The following SWT1 variants were observed in gnomAD, a reference collection of about 807,000 sequenced individuals.
SWT1 encodes the protein transcriptional protein SWT1.
SWT1 carries 33 observed loss-of-function variants against 107.3 expected under a neutral mutation model. That is an observed-to-expected ratio of 0.31 (90% CI 0.23 to 0.41). The LOEUF (loss-of-function observed/expected upper bound fraction) is 0.41, where lower values mean the gene tolerates loss of function less well. SWT1 is among the 10% of genes least tolerant of loss of function. The pLI is 1.00. For missense variants in SWT1, 898 were observed against 1,028.9 expected (o/e 0.87, Z 1.74); for synonymous variants, 345 against 348.3 (o/e 0.99, Z 0.11).
At chr1:185,162,171 T>C (rs1482471216) in intron 2 of SWT1, among the ~76,000 whole-genome samples, 1 of 152,242 alleles carries the variant, frequency 6.6e-6, no homozygotes, top group Non-Finnish European at 1.5e-5. Flanking sequence ...ACTGGCATGC[T>C]GTTTGCAATT....
intron 15 of SWT1, 104 bp downstream of exon 15, chr1:185,222,140 GATATATGTGAT>G: frequency 1.6e-6 from 1 of 640,140 alleles, no homozygotes. Flanking sequence ...CGTTTCAATA[GATATATGTGAT>G]ATATAATCAA....
At chr1:185,276,718 T>C in intron 18 of SWT1, 50 bp downstream of exon 18, 2 of 1,020,426 alleles carry the variant, frequency 2.0e-6, no homozygotes, top group Non-Finnish European at 2.9e-6. Flanking sequence ...AGCTTTTCCA[T>C]ATACAGCAGC....
At chr1:185,278,084 A>G (rs560662911) in intron 18 of SWT1, among the ~76,000 whole-genome samples, 1 of 152,054 alleles carries the variant, frequency 6.6e-6, no homozygotes, top group East Asian at 1.9e-4. Context: ...TTGGCTTCCC[A>G]AAGTACAGGG....
intron 16 of SWT1, among the ~76,000 whole-genome samples, chr1:185,240,528 T>G (rs1661192158): frequency 6.6e-6 from 1 of 152,050 alleles, no homozygotes; most frequent in South Asian, 2.1e-4. Flanking sequence ...TGTCATTTTG[T>G]TTGGTCATAT....
chr1:185,228,540 A>C (rs1660265036), intron 15 of SWT1, among the ~76,000 whole-genome samples: 2 of 152,136 alleles, frequency 1.3e-5, no homozygotes, highest in South Asian at 4.1e-4. Context: ...ATACATTTTC[A>C]AGTGAAGGAC....
At chr1:185,256,798 A>G (rs1209095030) in intron 16 of SWT1, among the ~76,000 whole-genome samples, 2 of 152,176 alleles carry the variant, frequency 1.3e-5, no homozygotes, top group Non-Finnish European at 2.9e-5. Context: ...GTCATTCTCC[A>G]TCCAGCTTTG....
intron 14 of SWT1, among the ~76,000 whole-genome samples, chr1:185,215,775 A>T (rs897127246): frequency 6.6e-6 from 1 of 152,074 alleles, no homozygotes; most frequent in East Asian, 1.9e-4. Flanking sequence ...CCTGGACTCA[A>T]GCAATCCTCC....
chr1:185,271,504 T>G (rs1663864724), intron 17 of SWT1, 115 bp downstream of exon 17: 2 of 602,266 alleles, frequency 3.3e-6, no homozygotes, highest in Admixed American at 6.5e-5. Context: ...TGATATTTGC[T>G]TTAAATTATT....
chr1:185,244,938 G>A (rs1388245528), intron 16 of SWT1, among the ~76,000 whole-genome samples: 1 of 152,026 alleles, frequency 6.6e-6, no homozygotes, highest in East Asian at 1.9e-4. Flanking sequence ...AATTAGCTGG[G>A]CATGGTGTTG....
chr1:185,268,884 G>A (rs1013575911), intron 16 of SWT1, among the ~76,000 whole-genome samples: 3 of 138,298 alleles, frequency 2.2e-5, no homozygotes, highest in Non-Finnish European at 3.1e-5. Context: ...ACGGAGTGTC[G>A]CTCTTTTGCC....
At chr1:185,189,140 C>T (rs945893556) in intron 9 of SWT1, among the ~76,000 whole-genome samples, 1 of 151,904 alleles carries the variant, frequency 6.6e-6, no homozygotes. Flanking sequence ...GAGTGTGCCA[C>T]CGAGCCTGGA....
chr1:185,222,023 A>G lies in SWT1; in HGVS notation c.2296A>G (p.Ile766Val), dbSNP rs770842586. 5.1e-6 allele frequency: 8 copies of G among 1,561,960 alleles called. No individual in the cohort carries two copies. The highest frequency in any genetic ancestry group is 1.2e-5 in the South Asian group (1 of 81,012). Reference protein sequence around the residue: ...WSILESVWITIYQNSTDVFQR... With the variant: ...WSILESVWITVYQNSTDVFQR... Reference sequence around the variant, plus strand: ...TATCCTAGAGAGTGTTTGGATTACAATATATCAGAACAGGTACTAAATTTG... The same window carrying G: ...TATCCTAGAGAGTGTTTGGATTACAGTATATCAGAACAGGTACTAAATTTG... The change falls in exon 15 of 19, where the codon ATA becomes GTA. Residue 766 changes from isoleucine (I) to valine (V), a missense_variant. By Grantham distance (29) the Ile-to-Val change is conservative (BLOSUM62 3). This residue lies in a region of SWT1 where 382 missense variants were observed against 460.0 expected (regional missense o/e 0.83). Coordinates refer to ENST00000367500, the MANE Select transcript of SWT1 (RefSeq NM_017673.7).
chr1:185,245,968 A>G (rs1210204172), intron 16 of SWT1, among the ~76,000 whole-genome samples: 1 of 151,900 alleles, frequency 6.6e-6, no homozygotes, highest in African/African-American at 2.4e-5. Flanking sequence ...GGGTTTTACC[A>G]TGTTAGCCAG....
chr1:185,290,643 T>C lies in SWT1; in HGVS notation c.2574-31T>C, dbSNP rs201552410. 460 of 1,518,846 alleles carry C rather than the reference T, an allele frequency of 3.0e-4. 1 individual carries two copies. The African/African-American group carries it at 5.6e-3, about 19-fold the overall frequency. The allele number at this position is 1,518,846 out of a possible 1,614,324, so 94.1% of individuals were successfully genotyped here. ...TTTTTATTTCTCTGACTAGCTGTCT[T>C]GCAATGATTTAATATTTCTTTTTCT... On this transcript the variant is annotated intron_variant, in intron 18 of 18. Transcript: ENST00000367500.
intron 3 of SWT1, 33 bp downstream of exon 3, chr1:185,166,685 T>G: frequency 7.5e-7 from 1 of 1,341,084 alleles, no homozygotes; most frequent in Non-Finnish European, 1.0e-6. Context: ...CTAAAAGTTA[T>G]TTATGCTAAA....
intron 16 of SWT1, among the ~76,000 whole-genome samples, chr1:185,252,544 AT>A (rs1276729481): frequency 6.6e-6 from 1 of 152,096 alleles, no homozygotes; most frequent in Non-Finnish European, 1.5e-5. Context: ...GATAATGAGC[AT>A]TTTTTCATGT....
At chr1:185,218,589 G>T (rs766581451) in intron 14 of SWT1, among the ~76,000 whole-genome samples, 1 of 152,140 alleles carries the variant, frequency 6.6e-6, no homozygotes, top group African/African-American at 2.4e-5. Flanking sequence ...AGGATTACAC[G>T]CATGAACCGT....
chr1:185,216,112 ATACT>A (rs1309281252), intron 14 of SWT1, among the ~76,000 whole-genome samples: 2 of 152,230 alleles, frequency 1.3e-5, no homozygotes, highest in Non-Finnish European at 2.9e-5. Flanking sequence ...TGCTAAGAGA[ATACT>A]TACTTCATGG....
chr1:185,236,535 G>T (rs1425868293), intron 16 of SWT1, among the ~76,000 whole-genome samples: 1 of 152,160 alleles, frequency 6.6e-6, no homozygotes, highest in Non-Finnish European at 1.5e-5. Context: ...GCTGAAACTG[G>T]ATTCCTTCCT....
Sources: gnomAD v4.1 joint callset for allele counts (sites outside exome capture counted in the v4.1 genomes callset) on GRCh38, gnomAD v4.1.1 for gene constraint, gnomAD v4.1.1 regional missense constraint, MANE v1.5 for transcripts, NCBI Gene and HGNC (gene_info 2026-07-23, HGNC 2026-07-21) for gene names.